CIITA: variants seen among roughly 807,000 people sequenced by gnomAD.
CIITA encodes the protein MHC class II transactivator.
Under a neutral mutation model 115.1 loss-of-function variants are expected in CIITA, and 72 were observed. The ratio of observed to expected loss-of-function variants is 0.63; its 90% CI spans 0.52 to 0.76. CIITA has a LOEUF of 0.76. Among genes scored for constraint, CIITA ranks in the 30% least tolerant of loss-of-function variants. CIITA has a pLI of 0.00. For synonymous variants in CIITA, 763 were observed against 635.6 expected (o/e 1.20, Z -3.02); for missense variants, 1,617 against 1,463.8 (o/e 1.10, Z -1.71).
intron 13 of CIITA, among the ~76,000 whole-genome samples, chr16:10,911,225 T>TC (rs1567430855): frequency 4.0e-5 from 6 of 151,610 alleles, no homozygotes; most frequent in African/African-American, 1.2e-4. Flanking sequence ...TCTCTTTCTT[T>TC]TTCTTTCTTT....
chr16:10,906,431 C>A, intron 10 of CIITA, 68 bp from the exon 11 acceptor site: 1 of 1,545,634 alleles, frequency 6.5e-7, no homozygotes. Context: ...CAGTGCTGGC[C>A]TTGTGGTGGC....
chr16:10,905,791 G>C (rs192205718), intron 10 of CIITA, among the ~76,000 whole-genome samples: 1 of 151,944 alleles, frequency 6.6e-6, no homozygotes, highest in East Asian at 1.9e-4. Flanking sequence ...AGGTCTAAAA[G>C]GAGTGGACAC....
chr16:10,879,728 G>A lies in CIITA; in HGVS notation c.52+2346G>A, dbSNP rs1245065354. Among the ~76,000 whole-genome samples, 7 of 152,200 alleles carry A rather than the reference G, an allele frequency of 4.6e-5. No individual in the cohort carries two copies. Among genetic ancestry groups the A allele is most frequent in the Non-Finnish European group, 7.3e-5 (5 of 68,034 alleles). On this transcript the variant is annotated intron_variant, in intron 1 of 19. Transcript: ENST00000324288. The surrounding 1 kb of genome is among the most constrained non-coding windows in gnomAD (Gnocchi z 4.3). ...CCCTGAGTCACACCCTCTAAGGAGAGAGGCTAAAGCGCCCCGGAAAGCCAG... is the reference window on the plus strand; with the variant it reads ...CCCTGAGTCACACCCTCTAAGGAGAAAGGCTAAAGCGCCCCGGAAAGCCAG...
rs907744823 is a variant in CIITA, at chr16:10,933,554, G to A, written c.*9699G>A. The A allele has an allele frequency of 1.3e-5, 2 of 152,342 alleles. No individual in the cohort carries two copies. The highest frequency in any genetic ancestry group is 2.1e-4 in the South Asian group (1 of 4,834). The allele number at this position is 152,342 out of a possible 1,614,324, so 9.4% of individuals were successfully genotyped here. ...GGCCAGTTTCCTCATCTGGAAAAGG[G>A]GACAGTGCCCACCACATTGGGCTGT... On this transcript the variant is annotated 3_prime_UTR_variant, in exon 20 of 20. Coordinates refer to ENST00000324288, the MANE Select transcript of CIITA (RefSeq NM_000246.4).
At chr16:10,908,308 C>T in intron 11 of CIITA, 159 bp downstream of exon 11, 1 of 887,060 alleles carries the variant, frequency 1.1e-6, no homozygotes, top group Non-Finnish European at 1.8e-6. Context: ...TGTTGAGGCT[C>T]AGAGAGGGGC....
chr16:10,940,065 A>C (rs182387226), downstream of CIITA: 18 of 152,362 alleles, frequency 1.2e-4, no homozygotes, highest in East Asian at 3.5e-3. This position sits in a 1 kb window ranked among gnomAD's most constrained non-coding sequence, Gnocchi z 4.2. Flanking sequence ...GCTCAACTGA[A>C]GCTTTTTCTT....
chr16:10,868,591 C>A (rs1322637574), intron 1 of CIITA, among the ~76,000 whole-genome samples: 2 of 152,196 alleles, frequency 1.3e-5, no homozygotes, highest in East Asian at 1.9e-4. Flanking sequence ...TCAACAGGGG[C>A]GCAGACAGCC....
chr16:10,866,525 T>C (rs1258379080), intron 1 of CIITA: 1 of 554,434 alleles, frequency 1.8e-6, no homozygotes, highest in Non-Finnish European at 3.5e-6. Flanking sequence ...CGGAGTGGGC[T>C]GCAGCCCCCA....
intron 1 of CIITA, 83 bp from the exon 2 acceptor site, chr16:10,895,199 C>A (rs1319717635): frequency 2.0e-6 from 3 of 1,523,996 alleles, no homozygotes; most frequent in East Asian, 2.3e-5. Flanking sequence ...CCAGCCCTCA[C>A]CAGCTGGGAG....
intron 13 of CIITA, chr16:10,914,908 G>C (rs2039843559): frequency 2.8e-6 from 1 of 357,370 alleles, no homozygotes. Flanking sequence ...TCGTCAGCTG[G>C]CATTTCAGGA....
chr16:10,908,680 C>T (rs1046681030), intron 11 of CIITA: 8 of 514,284 alleles, frequency 1.6e-5, no homozygotes, highest in East Asian at 1.4e-4. Context: ...TTCATTAAGT[C>T]GGTCTGCAAT....
intron 2 of CIITA, 83 bp downstream of exon 2, chr16:10,895,511 T>C: frequency 1.3e-6 from 2 of 1,590,450 alleles, no homozygotes; most frequent in Non-Finnish European, 1.7e-6. Context: ...GAAATTCTGG[T>C]CCCTGCCCTC....
downstream of CIITA, chr16:10,937,819 CTCTAGGAAA>C (rs1427284921): frequency 1.3e-5 from 2 of 152,198 alleles, no homozygotes; most frequent in African/African-American, 4.8e-5. This position sits in a 1 kb window ranked among gnomAD's most constrained non-coding sequence, Gnocchi z 4.2. Flanking sequence ...ACAATTAACA[CTCTAGGAAA>C]ACCACAGAGC....
chr16:10,910,369 T>C lies in CIITA; in HGVS notation c.2888+110T>C, dbSNP rs2039478830. ...TAGATCTCCAGAATCATTCTTACCCTCTTGCCCACCACTTTGGAAATAGCT... is the reference window on the plus strand; with the variant it reads ...TAGATCTCCAGAATCATTCTTACCCCCTTGCCCACCACTTTGGAAATAGCT... On this transcript the variant is annotated intron_variant, in intron 13 of 19. Transcript: ENST00000324288. 3.2e-6 allele frequency: 3 copies of C among 942,860 alleles called. No individual in the cohort carries two copies. In the Admixed American group the frequency reaches 6.0e-5, roughly 19 times the overall value. The allele number at this position is 942,860 out of a possible 1,614,324, so 58.4% of individuals were successfully genotyped here.
In CIITA at chr16:10,902,025, C is replaced by T; in HGVS notation, c.482-13C>T. The T allele has an allele frequency of 6.2e-7, 1 of 1,613,890 alleles. No homozygotes were observed. Among genetic ancestry groups the T allele is most frequent in the Non-Finnish European group, 8.5e-7 (1 of 1,179,988 alleles). On this transcript the variant is annotated splice_polypyrimidine_tract_variant and intron_variant, in intron 6 of 19. Transcript: ENST00000324288. ...CAAGCACCCAGTCTCTAACACAGCC[C>T]ACTTCCTCACAGCTGAGCCCCCCAC...
chr16:10,872,205 C>A (rs1375718345), upstream of CIITA, among the ~76,000 whole-genome samples: 1 of 152,090 alleles, frequency 6.6e-6, no homozygotes, highest in Non-Finnish European at 1.5e-5. Context: ...TCATTATAAC[C>A]TCTGCCTCCC....
intron 10 of CIITA, among the ~76,000 whole-genome samples, chr16:10,906,213 A>G (rs542087632): frequency 2.6e-5 from 4 of 152,212 alleles, no homozygotes; most frequent in African/African-American, 9.6e-5. Flanking sequence ...TCAAAAAATT[A>G]TCTGGGCATG....
At chr16:10,898,782 CT>C in intron 4 of CIITA, 50 bp downstream of exon 4, 1 of 1,609,474 alleles carries the variant, frequency 6.2e-7, no homozygotes, top group Non-Finnish European at 8.5e-7. Context: ...CATTTCCTGC[CT>C]TGTTCCCTGG....
intron 13 of CIITA, among the ~76,000 whole-genome samples, chr16:10,911,928 A>G (rs1395391888): frequency 1.3e-5 from 2 of 152,104 alleles, no homozygotes; most frequent in African/African-American, 4.8e-5. Flanking sequence ...CATTGTCATC[A>G]TCTCCCCATT....
Sources: allele counts gnomAD v4.1 joint callset (sites outside exome capture counted in the v4.1 genomes callset), GRCh38; gene constraint gnomAD v4.1.1; non-coding constraint Gnocchi (gnomAD v3.1); transcripts MANE v1.5; gene names NCBI Gene and HGNC (gene_info 2026-07-23, HGNC 2026-07-21).